Variants in SGCD observed in about 807,000 individuals in gnomAD.
SGCD encodes the protein sarcoglycan delta.
A neutral mutation model predicts 36.6 loss-of-function variants in SGCD; 18 were observed. That is an observed-to-expected ratio of 0.49 (90% CI 0.34 to 0.73). SGCD has a LOEUF of 0.73. SGCD is among the 30% of genes least tolerant of loss of function. SGCD has a pLI of 0.01. For missense variants in SGCD, 387 were observed against 346.7 expected (o/e 1.12, Z -0.92); for synonymous variants, 133 against 130.6 (o/e 1.02, Z -0.12).
At chr5:155,916,515 G>A (rs1756744762) in intron 1 of SGCD, among the ~76,000 whole-genome samples, 1 of 152,150 alleles carries the variant, frequency 6.6e-6, no homozygotes, top group South Asian at 2.1e-4. Context: ...TTGAAGAGGT[G>A]TGAAGGGGGT....
At chr5:155,958,622 C>A (rs1055799739) in intron 1 of SGCD, among the ~76,000 whole-genome samples, 1 of 152,102 alleles carries the variant, frequency 6.6e-6, no homozygotes, top group African/African-American at 2.4e-5. Context: ...CAAATGTAAG[C>A]ATGCTAACAA....
chr5:156,555,585 C>T (rs1331210266), intron 4 of SGCD, among the ~76,000 whole-genome samples: 3 of 151,776 alleles, frequency 2.0e-5, no homozygotes, highest in African/African-American at 7.3e-5. Context: ...TTTATTGCTA[C>T]CTTTATGTTA....
At chr5:156,014,201 T>C (rs370100622) in intron 1 of SGCD, among the ~76,000 whole-genome samples, 1 of 152,162 alleles carries the variant, frequency 6.6e-6, no homozygotes, top group South Asian at 2.1e-4. Flanking sequence ...AGATTCAATA[T>C]CTGGTAGAGC....
chr5:156,076,534 A>C (rs978763222), intron 1 of SGCD, among the ~76,000 whole-genome samples: 1 of 152,152 alleles, frequency 6.6e-6, no homozygotes, highest in Non-Finnish European at 1.5e-5. Flanking sequence ...TCCTGAGGCA[A>C]TGTCAAACTC....
At chr5:155,728,529 C>G in the SGCD span, among the ~76,000 whole-genome samples, 2 of 152,232 alleles carry the variant, frequency 1.3e-5, no homozygotes, top group African/African-American at 2.4e-5. Context: ...CAGCCCCGCT[C>G]TCTTGCGCGC....
chr5:156,634,262 G>A (rs1762741366), intron 6 of SGCD, among the ~76,000 whole-genome samples: 1 of 152,036 alleles, frequency 6.6e-6, no homozygotes, highest in Admixed American at 6.6e-5. Flanking sequence ...GGGGCCTGTT[G>A]GGGTGGGGTG....
intron 1 of SGCD, among the ~76,000 whole-genome samples, chr5:155,973,116 G>C (rs546721521): frequency 1.3e-5 from 2 of 152,110 alleles, no homozygotes; most frequent in Non-Finnish European, 2.9e-5. Context: ...GTCCGAAAAA[G>C]TCTGATTTTA....
chr5:156,308,226 G>A (rs879488500), intron 3 of SGCD, among the ~76,000 whole-genome samples: 16 of 152,094 alleles, frequency 1.1e-4, no homozygotes, highest in Non-Finnish European at 2.1e-4. Flanking sequence ...CAATCGTGGC[G>A]GAGGGCAAAG....
the SGCD span, among the ~76,000 whole-genome samples, chr5:155,812,053 A>G: frequency 6.6e-6 from 1 of 152,230 alleles, no homozygotes; most frequent in Non-Finnish European, 1.5e-5. Context: ...AGCAGTAACA[A>G]TTGCAACAAA....
intron 4 of SGCD, among the ~76,000 whole-genome samples, chr5:156,570,573 G>A (rs1175087747): frequency 6.6e-6 from 1 of 152,130 alleles, no homozygotes; most frequent in Non-Finnish European, 1.5e-5. Flanking sequence ...TCTCTGTGGA[G>A]TACATGAATG....
chr5:156,576,067 C>G (rs1483649948), intron 4 of SGCD, among the ~76,000 whole-genome samples: 3 of 151,900 alleles, frequency 2.0e-5, no homozygotes, highest in Non-Finnish European at 2.9e-5. Flanking sequence ...AATGCTATTC[C>G]TCCCCCTGCC....
chr5:156,115,318 T>C (rs1245460483), intron 1 of SGCD, among the ~76,000 whole-genome samples: 5 of 152,062 alleles, frequency 3.3e-5, no homozygotes, highest in Non-Finnish European at 7.4e-5. Flanking sequence ...ATCTGGCAAA[T>C]AGTTATCTTT....
chr5:155,763,297 G>C, the SGCD span, among the ~76,000 whole-genome samples: 1 of 152,160 alleles, frequency 6.6e-6, no homozygotes, highest in East Asian at 1.9e-4. Context: ...CATATTATCT[G>C]AATTTTGGAG....
chr5:156,277,783 G>A (rs1340845784), intron 3 of SGCD, among the ~76,000 whole-genome samples: 1 of 152,168 alleles, frequency 6.6e-6, no homozygotes. Context: ...GAGACTTAAA[G>A]GTGATGGAAG....
intron 3 of SGCD, among the ~76,000 whole-genome samples, chr5:156,384,024 A>G (rs1021804888): frequency 2.0e-5 from 3 of 152,118 alleles, no homozygotes; most frequent in African/African-American, 7.2e-5. Flanking sequence ...GTGTTCATGT[A>G]TATTTATATG....
chr5:156,427,342 T>C (rs1773716604), intron 3 of SGCD, among the ~76,000 whole-genome samples: 1 of 152,130 alleles, frequency 6.6e-6, no homozygotes, highest in Non-Finnish European at 1.5e-5. Flanking sequence ...ATTCTCAGCT[T>C]TGTCGTTGTT....
At chr5:156,069,263 A>C (rs552048950) in intron 1 of SGCD, among the ~76,000 whole-genome samples, 7 of 152,078 alleles carry the variant, frequency 4.6e-5, no homozygotes, top group Non-Finnish European at 8.8e-5. Flanking sequence ...TTAGGTCTAA[A>C]GTTTAAGTCT....
intron 1 of SGCD, among the ~76,000 whole-genome samples, chr5:156,016,569 G>A (rs1351570302): frequency 3.3e-5 from 5 of 151,934 alleles, no homozygotes; most frequent in Non-Finnish European, 5.9e-5. Context: ...TACTCTTTCT[G>A]TATTTCTTTT....
At chr5:156,199,101 G>A (rs887951517) in intron 3 of SGCD, among the ~76,000 whole-genome samples, 24 of 151,952 alleles carry the variant, frequency 1.6e-4, no homozygotes, top group Admixed American at 7.9e-4. Flanking sequence ...ACATACCTTC[G>A]CACCTCAGTG....
Sources: gnomAD v4.1 joint callset for allele counts (sites outside exome capture counted in the v4.1 genomes callset) on GRCh38, gnomAD v4.1.1 for gene constraint, MANE v1.5 for transcripts, NCBI Gene and HGNC (gene_info 2026-07-23, HGNC 2026-07-21) for gene names.